TAOK2: variants seen among roughly 807,000 people sequenced by gnomAD.
TAOK2 encodes the protein serine/threonine-protein kinase TAO2.
In TAOK2, 42 loss-of-function variants were observed where a neutral mutation model predicts 122.5. That is an observed-to-expected ratio of 0.34 (90% CI 0.27 to 0.44). The LOEUF (loss-of-function observed/expected upper bound fraction) is 0.44. Among genes scored for constraint, TAOK2 ranks in the 20% least tolerant of loss-of-function variants. The probability of loss-of-function intolerance (pLI) is 1.00; values close to 1 mark genes in which losing one functional copy is unlikely to be tolerated. For missense variants in TAOK2, 1,264 were observed against 1,644.9 expected, an observed-to-expected ratio of 0.77 and a Z score of 4.01; for synonymous variants, 704 against 677.6, an observed-to-expected ratio of 1.04 and a Z score of -0.61.
At chr16:29,983,361 G>A in intron 12 of TAOK2, 29 bp downstream of exon 12, 1 of 1,575,620 alleles carries the variant, frequency 6.3e-7, no homozygotes, top group Non-Finnish European at 8.6e-7. Flanking sequence ...GGGGACCCGA[G>A]CCACCTGCTC....
intron 13 of TAOK2, among the ~76,000 whole-genome samples, chr16:29,984,921 G>C (rs2069734956): frequency 6.6e-6 from 1 of 152,200 alleles, no homozygotes. Flanking sequence ...GCTGGGATTT[G>C]ATCCCAGGTA....
chr16:29,987,191 G>C lies in TAOK2; in HGVS notation c.2919G>C (p.Leu973=), dbSNP rs2069829860. The C allele has an allele frequency of 6.4e-7, 1 of 1,553,184 alleles. No homozygotes were observed. Among genetic ancestry groups the C allele is most frequent in the Non-Finnish European group, 8.7e-7 (1 of 1,155,006 alleles). ...TCCTGCCCCTCCTGCTGCTGCTGCT[G>C]CTTCCATTGCTGGCAGCCCAGGGTG... is the stretch of plus-strand genomic sequence containing the variant. ...SGLLPLLLLL[L]LPLLAAQGGG... Residue 973 remains leucine, a synonymous_variant, in exon 16 of 16, where the codon CTG becomes CTC. Coordinates refer to ENST00000308893, the MANE Select transcript of TAOK2 (RefSeq NM_016151.4).
chr16:29,987,508 G>A lies in TAOK2; in HGVS notation c.3236G>A (p.Arg1079Gln), dbSNP rs757599173. 26 of 1,603,874 alleles carry A rather than the reference G, an allele frequency of 1.6e-5. No homozygotes were observed. The highest frequency in any genetic ancestry group is 6.8e-5 in the Admixed American group (4 of 59,066). Residue 1079 changes from arginine to glutamine, a missense_variant, in exon 16 of 16, where the codon CGG becomes CAG. Around this residue, in one of 4 missense-constraint regions of TAOK2, gnomAD observed 824 missense variants for 908.7 expected, o/e 0.91. Transcript: ENST00000308893. The stretch of plus-strand genomic sequence containing the variant: ...CGGCAGCAGGGCCCCCGGGTGCGCC[G>A]GGGCATATCTCGACTCTGGTTGCGG... ...WVRQQGPRVR[R>Q]GISRLWLRVL...
At chr16:29,990,818 A>G (rs1567255083), downstream of TAOK2, 3 of 1,612,782 alleles carry the variant, frequency 1.9e-6, no homozygotes, top group Non-Finnish European at 2.5e-6. Flanking sequence ...GCAGAGTTCC[A>G]GGCCCTTCGG....
At chr16:29,978,910 AG>A in intron 5 of TAOK2, 63 bp from the exon 6 acceptor site, 5 of 1,613,532 alleles carry the variant, frequency 3.1e-6, no homozygotes, top group Non-Finnish European at 4.2e-6. Context: ...GGAAGGGTTA[AG>A]GGGAGTTTAT....
chr16:29,990,470 T>TA (rs1567254777), downstream of TAOK2: 1 of 223,402 alleles, frequency 4.5e-6, no homozygotes. Flanking sequence ...TCATTTTTTT[T>TA]ACAGCATAGA....
chr16:29,977,766 G>A lies in TAOK2; in HGVS notation c.-7G>A. ...AGGCCCCACTCTCAGGGCCCCCAGG[G>A]GCCACCATGCCAGCTGGGGGCCGGG... On this transcript the variant is annotated 5_prime_UTR_variant, in exon 2 of 16. Transcript: ENST00000308893. 1.2e-6 allele frequency: 2 copies of A among 1,613,898 alleles called. No individual in the cohort carries two copies. Among genetic ancestry groups the A allele is most frequent in the East Asian group, 2.2e-5 (1 of 44,868 alleles).
At chr16:29,991,897 A>C, downstream of TAOK2, 1 of 231,190 alleles carries the variant, frequency 4.3e-6, no homozygotes, top group Non-Finnish European at 8.4e-6. The surrounding 1 kb of genome is among the most constrained non-coding windows in gnomAD (Gnocchi z 5.6). Flanking sequence ...TAGACATACT[A>C]TATTCAGAGA....
chr16:29,989,157 G>A (rs996076365), downstream of TAOK2: 3 of 985,044 alleles, frequency 3.0e-6, no homozygotes, highest in Admixed American at 1.2e-4. Flanking sequence ...TTGTTCTCGT[G>A]CACGTTCTCA....
chr16:29,989,487 CT>C, downstream of TAOK2: 2 of 1,556,316 alleles, frequency 1.3e-6, no homozygotes, highest in Middle Eastern at 1.7e-4. Flanking sequence ...CTCCTCTTCT[CT>C]CTCTTCTCCC....
Position 29,983,683 on chromosome 16 carries a change from A to C in TAOK2, c.1422+19A>C, listed in dbSNP as rs753103559. The stretch of plus-strand genomic sequence containing the variant: ...CTCCCTGGTGAGTGTAGCCATCCTC[A>C]CTCAGCCTGCTCGCTGTCTGTTTTT... On this transcript the variant is annotated intron_variant, in intron 13 of 15. Transcript: ENST00000308893. 1.9e-6 allele frequency: 3 copies of C among 1,590,380 alleles called. No individual in the cohort carries two copies. In the African/African-American group the frequency reaches 4.0e-5, roughly 21 times the overall value.
At chr16:29,977,477 G>A (rs1009875669) in intron 1 of TAOK2, among the ~76,000 whole-genome samples, 3 of 152,154 alleles carry the variant, frequency 2.0e-5, no homozygotes, top group Non-Finnish European at 4.4e-5. Context: ...AGCACTGAAG[G>A]GGGTGGTGAG....
Position 29,982,057 on chromosome 16 carries a change from T to G in TAOK2, c.831+117T>G. The G allele has an allele frequency of 3.8e-6, 3 of 792,712 alleles. No individual in the cohort carries two copies. In the African/African-American group the frequency reaches 5.1e-5, roughly 14 times the overall value. The allele number at this position is 792,712 out of a possible 1,614,324, so 49.1% of individuals were successfully genotyped here. ...TCCACCAAGAGCTTCGTTGATGAAT[T>G]CCCACCCCATCCCCAATGCCTAGTG... On this transcript the variant is annotated intron_variant, in intron 10 of 15. Transcript: ENST00000308893.
chr16:29,991,376 A>G (rs989865941), downstream of TAOK2: 6 of 1,581,408 alleles, frequency 3.8e-6, no homozygotes, highest in Non-Finnish European at 5.2e-6. This position sits in a 1 kb window ranked among gnomAD's most constrained non-coding sequence, Gnocchi z 5.6. Context: ...GGCCCCCCAC[A>G]CAAAGTGGGA....
rs763482453 is a variant in TAOK2 at position 29,986,390 on chromosome 16, C to T, written c.2118C>T (p.Thr706=). 1.9e-6 allele frequency: 3 copies of T among 1,610,888 alleles called. No homozygotes were observed. Among genetic ancestry groups the T allele is most frequent in the Non-Finnish European group, 2.5e-6 (3 of 1,178,322 alleles). The part of the protein sequence containing the change: ...QAVQRTRAEL[T]RLQHQTELGN... ...TGCAGCGCACGCGGGCTGAGCTCAC[C>T]CGCCTGCAGCACCAGACGGAGCTGG... Residue 706 remains threonine (T), a synonymous_variant, in exon 16 of 16, where the codon ACC becomes ACT. Transcript: ENST00000308893. This position sits in a 1 kb window ranked among gnomAD's most constrained non-coding sequence, Gnocchi z 4.2.
At position 29,986,384 on chromosome 16, in the gene TAOK2, G is replaced by T; in HGVS notation, c.2112G>T (p.Glu704Asp). ...QLQAVQRTRA[E>D]LTRLQHQTEL... ...AGGCCGTGCAGCGCACGCGGGCTGA[G>T]CTCACCCGCCTGCAGCACCAGACGG... is the stretch of plus-strand genomic sequence containing the variant. Residue 704 changes from glutamate to aspartate, a missense_variant, in exon 16 of 16, where the codon GAG becomes GAT. By Grantham distance (45) the Glu-to-Asp change is conservative. This residue lies in a region of TAOK2 where 824 missense variants were observed against 908.7 expected (regional missense o/e 0.91). Transcript: ENST00000308893. The surrounding 1 kb of genome is among the most constrained non-coding windows in gnomAD (Gnocchi z 4.2). The T allele has an allele frequency of 6.2e-7, 1 of 1,608,936 alleles. No individual in the cohort carries two copies. Among genetic ancestry groups the T allele is most frequent in the Non-Finnish European group, 8.5e-7 (1 of 1,177,524 alleles).
In TAOK2 at chr16:29,985,096, T is replaced by C. The variant is rs2069741605; in HGVS notation, c.1423-117T>C. On this transcript the variant is annotated intron_variant, in intron 13 of 15. Transcript: ENST00000308893. This position sits in a 1 kb window ranked among gnomAD's most constrained non-coding sequence, Gnocchi z 6.9. Reference sequence around the variant, plus strand: ...GAGTGGCCGTGTGTGAGGAAGGTGTTAAATGAGAATGAAACCCATGAGTTG... The same window carrying C: ...GAGTGGCCGTGTGTGAGGAAGGTGTCAAATGAGAATGAAACCCATGAGTTG... 7.6e-7 allele frequency: 1 copy of C among 1,316,444 alleles called. No individual in the cohort carries two copies. Among genetic ancestry groups the C allele is most frequent in the Non-Finnish European group, 9.9e-7 (1 of 1,008,186 alleles). 81.5% of individuals were successfully genotyped at this position (1,316,444 alleles called of 1,614,324 possible). A position where few individuals can be genotyped will look rare whatever the true frequency, so the allele number is the denominator to read the frequency against.
downstream of TAOK2, chr16:29,991,910 T>A (rs1192717505): frequency 5.1e-6 from 1 of 197,412 alleles, no homozygotes; most frequent in Non-Finnish European, 1.0e-5. This position sits in a 1 kb window ranked among gnomAD's most constrained non-coding sequence, Gnocchi z 5.6. Context: ...TTCAGAGAAC[T>A]ATACTACCCT....
downstream of TAOK2, chr16:29,991,067 C>T: frequency 1.3e-6 from 2 of 1,578,404 alleles, no homozygotes; most frequent in East Asian, 2.2e-5. The surrounding 1 kb of genome is among the most constrained non-coding windows in gnomAD (Gnocchi z 5.6). Context: ...AGCTGCTGGC[C>T]CTGCAGACAG....
Sources: allele counts gnomAD v4.1 joint callset (sites outside exome capture counted in the v4.1 genomes callset), GRCh38; gene constraint gnomAD v4.1.1; regional missense constraint gnomAD v4.1.1; non-coding constraint Gnocchi (gnomAD v3.1); transcripts MANE v1.5; gene names NCBI Gene and HGNC (gene_info 2026-07-23, HGNC 2026-07-21).